CNTN1: variants seen among roughly 807,000 people sequenced by gnomAD.
CNTN1 encodes contactin 1, also known as contactin-1.
Under a neutral mutation model 126.4 loss-of-function variants are expected in CNTN1, and 38 were observed. That is an observed-to-expected ratio of 0.30 (90% CI 0.23 to 0.39). The LOEUF (loss-of-function observed/expected upper bound fraction) is 0.39, where lower values mean the gene tolerates loss of function less well. Ranked by LOEUF, CNTN1 falls within the 10% of genes least tolerant of loss-of-function variation. The probability of loss-of-function intolerance (pLI) is 1.00; values close to 1 mark genes in which losing one functional copy is unlikely to be tolerated. For missense variants in CNTN1, 1,009 were observed against 1,248.4 expected (o/e 0.81, Z 2.89); for synonymous variants, 413 against 422.6 (o/e 0.98, Z 0.28).
At chr12:40,800,746 G>A (rs558150408) in intron 1 of CNTN1, among the ~76,000 whole-genome samples, 2 of 152,136 alleles carry the variant, frequency 1.3e-5, no homozygotes, top group East Asian at 3.9e-4. Flanking sequence ...AGAAAAATAG[G>A]AGCCAGCTAA....
chr12:40,882,065 C>A (rs765381438), intron 1 of CNTN1, among the ~76,000 whole-genome samples: 226 of 151,598 alleles, frequency 1.5e-3, no homozygotes, highest in Middle Eastern at 3.4e-3. Context: ...TAATAGGCAT[C>A]AGATGTTGAG....
At chr12:40,838,801 G>C (rs550798545) in intron 1 of CNTN1, among the ~76,000 whole-genome samples, 1 of 152,140 alleles carries the variant, frequency 6.6e-6, no homozygotes, top group Non-Finnish European at 1.5e-5. Context: ...TTCAAAAATA[G>C]GAAGAAGCAA....
chr12:40,797,835 T>C (rs1265780140), intron 1 of CNTN1, among the ~76,000 whole-genome samples: 1 of 152,016 alleles, frequency 6.6e-6, no homozygotes, highest in African/African-American at 2.4e-5. Flanking sequence ...GAAGAAAATA[T>C]AAACTATGAC....
chr12:40,956,380 T>G (rs1946881405), intron 14 of CNTN1, among the ~76,000 whole-genome samples: 1 of 152,076 alleles, frequency 6.6e-6, no homozygotes, highest in African/African-American at 2.4e-5. Context: ...TTTAACTGCA[T>G]TTACGATATG....
chr12:40,716,792 CAG>C (rs1433559338), intron 1 of CNTN1, among the ~76,000 whole-genome samples: 2 of 152,158 alleles, frequency 1.3e-5, no homozygotes, highest in Non-Finnish European at 2.9e-5. Flanking sequence ...TGAACCATAT[CAG>C]AGAGAACACC....
intron 15 of CNTN1, among the ~76,000 whole-genome samples, chr12:40,967,591 T>G (rs954218774): frequency 6.6e-6 from 1 of 152,170 alleles, no homozygotes; most frequent in Non-Finnish European, 1.5e-5. Context: ...TTGGGAGCTT[T>G]TAGACACTGC....
At chr12:40,841,765 A>G (rs1384020127) in intron 1 of CNTN1, among the ~76,000 whole-genome samples, 1 of 152,054 alleles carries the variant, frequency 6.6e-6, no homozygotes, top group African/African-American at 2.4e-5. Context: ...TAGGTATAGA[A>G]GGAATGTACC....
chr12:40,944,058 T>C lies in CNTN1; in HGVS notation c.1571T>C (p.Met524Thr). The C allele has an allele frequency of 6.2e-7, 1 of 1,613,638 alleles. No individual in the cohort carries two copies. Among genetic ancestry groups the C allele is most frequent in the Non-Finnish European group, 8.5e-7 (1 of 1,179,670 alleles). ...ADITVGENAT[M>T]QCAASFDPAL... ...ATCACAGTTGGAGAAAACGCCACCA[T>C]GCAGTGTGCTGCGTCCTTTGATCCT... The change falls in exon 14 of 24, where the codon ATG becomes ACG. Residue 524 changes from methionine (M) to threonine (T), a missense_variant. By Grantham distance (81) the Met-to-Thr change is moderately conservative. Coordinates refer to ENST00000551295, the MANE Select transcript of CNTN1 (RefSeq NM_001843.4).
At chr12:40,704,379 G>A (rs1238088661) in intron 1 of CNTN1, among the ~76,000 whole-genome samples, 1 of 152,046 alleles carries the variant, frequency 6.6e-6, no homozygotes, top group Non-Finnish European at 1.5e-5. Context: ...AGATCTAGTA[G>A]TAATTTTATT....
chr12:40,726,909 T>C (rs182030416), intron 1 of CNTN1, among the ~76,000 whole-genome samples: 73 of 150,054 alleles, frequency 4.9e-4, no homozygotes, highest in Admixed American at 3.2e-3. Context: ...TTTATTAGAA[T>C]TTAAACATTA....
chr12:40,814,625 A>G (rs1017064698), intron 1 of CNTN1, among the ~76,000 whole-genome samples: 6 of 152,152 alleles, frequency 3.9e-5, no homozygotes, highest in Non-Finnish European at 8.8e-5. Context: ...GAAGTCAGGT[A>G]GCGTGATGCC....
chr12:41,042,291 T>A (rs1031911851), intron 23 of CNTN1, among the ~76,000 whole-genome samples: 1 of 152,198 alleles, frequency 6.6e-6, no homozygotes, highest in African/African-American at 2.4e-5. Context: ...CAGTTTGTTA[T>A]AATTTCTGTT....
At chr12:40,843,816 C>T (rs926263427) in intron 1 of CNTN1, among the ~76,000 whole-genome samples, 1 of 152,132 alleles carries the variant, frequency 6.6e-6, no homozygotes, top group South Asian at 2.1e-4. Flanking sequence ...AATAGTACAT[C>T]GTTTCTTTGG....
intron 5 of CNTN1, among the ~76,000 whole-genome samples, chr12:40,923,532 T>C (rs1428103318): frequency 2.0e-5 from 3 of 152,080 alleles, no homozygotes; most frequent in Non-Finnish European, 4.4e-5. Context: ...ACAGGTTGCA[T>C]TGCACAAAAG....
At chr12:40,868,422 T>C (rs1330494378) in intron 1 of CNTN1, among the ~76,000 whole-genome samples, 2 of 152,138 alleles carry the variant, frequency 1.3e-5, no homozygotes, top group Admixed American at 6.6e-5. Context: ...GTTGAGTCAG[T>C]ACTTATGTGG....
intron 1 of CNTN1, among the ~76,000 whole-genome samples, chr12:40,764,119 G>T (rs1046909271): frequency 7.2e-5 from 11 of 152,084 alleles, no homozygotes; most frequent in African/African-American, 2.7e-4. Flanking sequence ...TAATAGAAGG[G>T]GTACTCCTTC....
At chr12:41,057,282 A>C (rs1221238344) in intron 23 of CNTN1, among the ~76,000 whole-genome samples, 1 of 149,092 alleles carries the variant, frequency 6.7e-6, no homozygotes, top group African/African-American at 2.4e-5. Flanking sequence ...ATTTCCTCTA[A>C]AGAAAGAGCC....
At chr12:40,731,974 A>G (rs1031181536) in intron 1 of CNTN1, among the ~76,000 whole-genome samples, 1 of 152,076 alleles carries the variant, frequency 6.6e-6, no homozygotes, top group Admixed American at 6.6e-5. Context: ...ACTCTTGGGG[A>G]ACAGGCATTT....
chr12:40,815,915 T>G (rs1270435210), intron 1 of CNTN1, among the ~76,000 whole-genome samples: 4 of 152,150 alleles, frequency 2.6e-5, no homozygotes, highest in African/African-American at 9.7e-5. Context: ...AATCTTGTGG[T>G]TTTTGTCTTT....
Sources: gnomAD v4.1 joint callset for allele counts (sites outside exome capture counted in the v4.1 genomes callset) on GRCh38, gnomAD v4.1.1 for gene constraint, MANE v1.5 for transcripts, NCBI Gene and HGNC (gene_info 2026-07-23, HGNC 2026-07-21) for gene names.